The following DDX25 variants were observed in gnomAD, a reference collection of about 807,000 sequenced individuals.
The protein encoded by DDX25 is DEAD-box helicase 25.
In DDX25, 70 loss-of-function variants were observed where a neutral mutation model predicts 64.6. The observed-to-expected ratio is 1.08, with a 90% confidence interval of 0.89 to 1.32. DDX25 has a LOEUF of 1.32. Ranked by LOEUF, DDX25 falls within the 40% of genes most tolerant of loss-of-function variation. The pLI is 0.00. For missense variants in DDX25, 587 were observed against 604.4 expected (o/e 0.97, Z 0.30); for synonymous variants, 211 against 213.3 (o/e 0.99, Z 0.09).
chr11:125,909,975 A>G (rs1944945754), intron 6 of DDX25, among the ~76,000 whole-genome samples: 1 of 152,132 alleles, frequency 6.6e-6, no homozygotes, highest in Non-Finnish European at 1.5e-5. Context: ...GACTTTTAAT[A>G]GCAAATGAGA....
chr11:125,911,360 G>T lies in DDX25; in HGVS notation c.672G>T (p.Gly224=), dbSNP rs781263013. ...AACAGATTATAATTGGCACTCCTGGGACTGTCCTAGATTGGTGTTTTAAAC... is the reference window on the plus strand; with the variant it reads ...AACAGATTATAATTGGCACTCCTGGTACTGTCCTAGATTGGTGTTTTAAAC... ...ITKQIIIGTP[G]TVLDWCFKLK... The change falls in exon 8 of 12, where the codon GGG becomes GGT. Residue 224 remains glycine, a synonymous_variant. Transcript: ENST00000263576. 8.1e-6 allele frequency: 13 copies of T among 1,613,612 alleles called. No individual in the cohort carries two copies. The highest frequency in any genetic ancestry group is 1.1e-5 in the Non-Finnish European group (13 of 1,179,784).
At chr11:125,913,252 G>A (rs1385672943) in intron 8 of DDX25, among the ~76,000 whole-genome samples, 1 of 151,454 alleles carries the variant, frequency 6.6e-6, no homozygotes, top group Non-Finnish European at 1.5e-5. Flanking sequence ...CTGCTGTACA[G>A]CTGTCATCAT....
chr11:125,907,550 G>T (rs1189256558), intron 4 of DDX25, among the ~76,000 whole-genome samples: 1 of 152,088 alleles, frequency 6.6e-6, no homozygotes. Context: ...GGAGCTTGCA[G>T]TGAGCTGAGG....
intron 8 of DDX25, among the ~76,000 whole-genome samples, chr11:125,914,016 T>A (rs1945001841): frequency 2.0e-5 from 3 of 152,250 alleles, no homozygotes; most frequent in Non-Finnish European, 4.4e-5. Flanking sequence ...GATTTTTTTT[T>A]ATAGAGCTTC....
intron 7 of DDX25, among the ~76,000 whole-genome samples, chr11:125,911,015 G>A (rs953473593): frequency 1.3e-5 from 2 of 149,616 alleles, no homozygotes; most frequent in Non-Finnish European, 3.0e-5. Context: ...TTTTCATACT[G>A]TTTGTTCCTT....
intron 1 of DDX25, among the ~76,000 whole-genome samples, chr11:125,905,010 G>C (rs1355943610): frequency 6.6e-6 from 1 of 152,128 alleles, no homozygotes; most frequent in Non-Finnish European, 1.5e-5. Flanking sequence ...TGCATGTACA[G>C]GGAATACAGA....
rs1262970744 is a variant in DDX25, at chr11:125,904,555, C to T, written c.38C>T (p.Ala13Val). The T allele has an allele frequency of 6.7e-6, 10 of 1,496,812 alleles. No individual in the cohort carries two copies. Among genetic ancestry groups the T allele is most frequent in the South Asian group, 2.6e-5 (2 of 76,996 alleles). The allele number at this position is 1,496,812 out of a possible 1,614,324, so 92.7% of individuals were successfully genotyped here. Residue 13 changes from alanine (A) to valine (V), a missense_variant, in exon 1 of 12, where the codon GCG (alanine) becomes GTG (valine). By Grantham distance (64) the Ala-to-Val change is moderately conservative. Coordinates refer to ENST00000263576, the MANE Select transcript of DDX25 (RefSeq NM_013264.5). ...CTGTGGGGAGGCGACGCAGGGGCGG[C>T]GGAGAGCGAGCGGCTGAACAGCCAC... ...SLLWGGDAGA[A>V]ESERLNSHFS...
Position 125,925,712 on chromosome 11 carries a change from C to T in DDX25, c.*2831C>T. The T allele has an allele frequency of 3.4e-6, 1 of 290,372 alleles. No homozygotes were observed. The highest frequency in any genetic ancestry group is 7.0e-6 in the Non-Finnish European group (1 of 142,882). 18.0% of individuals were successfully genotyped at this position (290,372 alleles called of 1,614,324 possible). A position where few individuals can be genotyped will look rare whatever the true frequency, so the allele number is the denominator to read the frequency against. ...AAATTCATGATTACGTAGAGCAGGA[C>T]TGTGATTTCCAGTGGGTAAGTGAAC... is the stretch of plus-strand genomic sequence containing the variant. On this transcript the variant is annotated 3_prime_UTR_variant, in exon 12 of 12. Coordinates refer to ENST00000263576, the MANE Select transcript of DDX25 (RefSeq NM_013264.5).
intron 4 of DDX25, among the ~76,000 whole-genome samples, chr11:125,907,019 AC>A (rs1944898065): frequency 1.3e-5 from 2 of 152,178 alleles, no homozygotes; most frequent in Admixed American, 6.5e-5. Flanking sequence ...ATCCTCCTTC[AC>A]CCACTATAGA....
chr11:125,910,282 T>C lies in DDX25; in HGVS notation c.508-82T>C, dbSNP rs1177076125. 26 of 1,139,536 alleles carry C rather than the reference T, an allele frequency of 2.3e-5. No individual in the cohort carries two copies. The East Asian group carries it at 4.7e-4, about 21-fold the overall frequency. 70.6% of individuals were successfully genotyped at this position (1,139,536 alleles called of 1,614,324 possible). On this transcript the variant is annotated intron_variant, in intron 6 of 11. Transcript: ENST00000263576. ...TCAATTTCCTTTCTGTGCCTCTCCC[T>C]GTACAAATTTTTATTGCAGTTGAAA...
rs766979629 is a variant in DDX25, at chr11:125,921,141, G to A, written c.1202-50G>A. On this transcript the variant is annotated intron_variant, in intron 10 of 11. Transcript: ENST00000263576. The surrounding 1 kb of genome is among the most constrained non-coding windows in gnomAD (Gnocchi z 4.1). ...GGCAGACGTGGTACTTGAATGGCCCGTGTACTGAGGAAAGCATTGCAGGAC... is the reference window on the plus strand; with the variant it reads ...GGCAGACGTGGTACTTGAATGGCCCATGTACTGAGGAAAGCATTGCAGGAC... The A allele has an allele frequency of 7.7e-5, 119 of 1,538,680 alleles. No individual in the cohort carries two copies. Among genetic ancestry groups the A allele is most frequent in the East Asian group, 2.3e-5 (1 of 43,178 alleles).
At chr11:125,907,375 A>C (rs71475931) in intron 4 of DDX25, among the ~76,000 whole-genome samples, 1 of 152,120 alleles carries the variant, frequency 6.6e-6, no homozygotes, top group East Asian at 1.9e-4. Context: ...TTGGGAGGCC[A>C]AGGGGGGCGG....
In DDX25 at chr11:125,921,700, C is replaced by A; in HGVS notation, c.1390+321C>A. On this transcript the variant is annotated intron_variant, in intron 11 of 11. Coordinates refer to ENST00000263576, the MANE Select transcript of DDX25 (RefSeq NM_013264.5). The surrounding 1 kb of genome is among the most constrained non-coding windows in gnomAD (Gnocchi z 4.1). ...GGTCAGGAAATCCAGACCATCCTGG[C>A]CAACATGGTAAAACCCCATCTCTAC... 1 of 218,160 alleles carries A rather than the reference C, an allele frequency of 4.6e-6. No homozygotes were observed. The highest frequency in any genetic ancestry group is 2.2e-5 in the African/African-American group (1 of 44,718). 13.5% of individuals were successfully genotyped at this position (218,160 alleles called of 1,614,324 possible).
intron 8 of DDX25, among the ~76,000 whole-genome samples, chr11:125,912,252 A>G (rs1302553513): frequency 6.6e-6 from 1 of 152,152 alleles, no homozygotes; most frequent in African/African-American, 2.4e-5. Flanking sequence ...GGAAGTGGGA[A>G]TTGAGTTCTT....
Position 125,928,837 on chromosome 11 carries a change from C to G in DDX25, c.*5956C>G, listed in dbSNP as rs1165728527. The G allele has an allele frequency of 2.6e-5, 4 of 152,146 alleles. No homozygotes were observed. Among genetic ancestry groups the G allele is most frequent in the Non-Finnish European group, 5.9e-5 (4 of 68,020 alleles). The allele number at this position is 152,146 out of a possible 1,614,324, so 9.4% of individuals were successfully genotyped here. A position where few individuals can be genotyped will look rare whatever the true frequency, so the allele number is the denominator to read the frequency against. On this transcript the variant is annotated 3_prime_UTR_variant, in exon 12 of 12. Transcript: ENST00000263576. Reference sequence around the variant, plus strand: ...ATAAAGACATTAACCTTCTATTTTACTGACAACATATTGTCTATCTCAGTC... The same window carrying G: ...ATAAAGACATTAACCTTCTATTTTAGTGACAACATATTGTCTATCTCAGTC...
In DDX25 at chr11:125,928,494, TCG is replaced by T. The variant is rs1453612263; in HGVS notation, c.*5614_*5615del. The T allele has an allele frequency of 1.3e-5, 2 of 152,200 alleles. No homozygotes were observed. The highest frequency in any genetic ancestry group is 4.8e-5 in the African/African-American group (2 of 41,450). The allele number at this position is 152,200 out of a possible 1,614,324, so 9.4% of individuals were successfully genotyped here. A position where few individuals can be genotyped will look rare whatever the true frequency, so the allele number is the denominator to read the frequency against. ...AGAGACATTAAGTGCGAGTACCAGG[TCG>T]AAAACTAGAAGCACTTTAACAGCAT... On this transcript the variant is annotated 3_prime_UTR_variant, in exon 12 of 12. Coordinates refer to ENST00000263576, the MANE Select transcript of DDX25 (RefSeq NM_013264.5).
chr11:125,907,225 T>C (rs965204660), intron 4 of DDX25, among the ~76,000 whole-genome samples: 91 of 152,214 alleles, frequency 6.0e-4, no homozygotes, highest in Non-Finnish European at 1.0e-3. Flanking sequence ...CCCAGACATT[T>C]TCTAAATGGT....
intron 8 of DDX25, among the ~76,000 whole-genome samples, chr11:125,914,301 C>T (rs1945007467): frequency 6.6e-6 from 1 of 152,152 alleles, no homozygotes; most frequent in African/African-American, 2.4e-5. Context: ...CGATTGTCAT[C>T]TGGAGGTCTT....
chr11:125,917,800 G>A (rs1459988467), intron 9 of DDX25, among the ~76,000 whole-genome samples: 3 of 152,150 alleles, frequency 2.0e-5, no homozygotes, highest in African/African-American at 7.2e-5. Context: ...TCTGCCACTG[G>A]CTAACCATGC....
Sources: gnomAD v4.1 joint callset for allele counts (sites outside exome capture counted in the v4.1 genomes callset) on GRCh38, gnomAD v4.1.1 for gene constraint, Gnocchi (gnomAD v3.1) non-coding constraint, MANE v1.5 for transcripts, NCBI Gene and HGNC (gene_info 2026-07-23, HGNC 2026-07-21) for gene names.